PDE7B: variants seen among roughly 807,000 people sequenced by gnomAD.
PDE7B encodes the protein phosphodiesterase 7B.
In PDE7B, 29 loss-of-function variants were observed where a neutral mutation model predicts 56.2. The observed-to-expected ratio is 0.52, with a 90% CI of 0.38 to 0.70. The LOEUF (loss-of-function observed/expected upper bound fraction) is 0.70, where lower values mean the gene tolerates loss of function less well. PDE7B is among the 30% of genes least tolerant of loss of function. The pLI, the probability that PDE7B is intolerant of heterozygous loss-of-function variation, is 0.00. For missense variants in PDE7B, 490 were observed against 565.0 expected (o/e 0.87, Z 1.35); for synonymous variants, 197 against 196.9 (o/e 1.00, Z 0.00).
At chr6:136,183,625 A>G (rs1016752782) in intron 11 of PDE7B, among the ~76,000 whole-genome samples, 2 of 151,542 alleles carry the variant, frequency 1.3e-5, no homozygotes, top group African/African-American at 2.4e-5. Flanking sequence ...AAAAGAAAAA[A>G]AAAAGAGTAG....
At chr6:135,886,128 G>A (rs1340233933) in intron 1 of PDE7B, among the ~76,000 whole-genome samples, 1 of 152,126 alleles carries the variant, frequency 6.6e-6, no homozygotes, top group African/African-American at 2.4e-5. Flanking sequence ...GTAGTCAAAT[G>A]GCAGCTGACT....
In PDE7B at chr6:136,076,421, C is replaced by A. The variant is rs536998284; in HGVS notation, c.83-32310C>A. 1.5e-3 allele frequency among the ~76,000 whole-genome samples: 235 copies of A among 152,100 alleles called. 1 individual carries two copies. Among genetic ancestry groups the A allele is most frequent in the Middle Eastern group, 6.8e-3 (2 of 294 alleles). On this transcript the variant is annotated intron_variant, in intron 2 of 12. Coordinates refer to ENST00000308191, the MANE Select transcript of PDE7B (RefSeq NM_018945.4). ...CCAGGAGGCGGAGGTTGCAGTGAGCCAAGATTGCGCCATTACACTCTAGGC... is the reference window on the plus strand; with the variant it reads ...CCAGGAGGCGGAGGTTGCAGTGAGCAAAGATTGCGCCATTACACTCTAGGC...
rs192876723 is a variant in PDE7B at position 136,003,818 on chromosome 6, T to C, written c.82+56294T>C. On this transcript the variant is annotated intron_variant, in intron 2 of 12. Transcript: ENST00000308191. ...TTCCTTCTGAAACTATTCCAATCAA[T>C]AGAAAAAGAGGGAATCTTCCCTAAC... is the stretch of plus-strand genomic sequence containing the variant. Among the ~76,000 whole-genome samples the C allele has an allele frequency of 1.7e-4, 26 of 152,172 alleles. No homozygotes were observed. In the East Asian group the frequency reaches 5.0e-3, roughly 29 times the overall value.
At chr6:136,041,671 A>C (rs1776417161) in intron 2 of PDE7B, among the ~76,000 whole-genome samples, 1 of 152,256 alleles carries the variant, frequency 6.6e-6, no homozygotes, top group African/African-American at 2.4e-5. Context: ...GGGCTCTGGA[A>C]GTTATCAGCA....
At chr6:135,909,380 C>T (rs1225201178) in intron 1 of PDE7B, among the ~76,000 whole-genome samples, 2 of 152,014 alleles carry the variant, frequency 1.3e-5, no homozygotes, top group African/African-American at 4.8e-5. Flanking sequence ...TATGGGAGGC[C>T]GAGGTGGACG....
At chr6:136,093,462 C>T (rs1333489382) in intron 2 of PDE7B, among the ~76,000 whole-genome samples, 1 of 152,178 alleles carries the variant, frequency 6.6e-6, no homozygotes, top group African/African-American at 2.4e-5. Context: ...CAAAATACAC[C>T]TCTCCCTAAA....
chr6:135,879,571 C>T (rs1234004449), intron 1 of PDE7B, among the ~76,000 whole-genome samples: 2 of 151,946 alleles, frequency 1.3e-5, no homozygotes, highest in Admixed American at 1.3e-4. Flanking sequence ...AATATTTAAC[C>T]AATACTCGTC....
chr6:136,082,328 G>A (rs923120324), intron 2 of PDE7B, among the ~76,000 whole-genome samples: 1 of 152,158 alleles, frequency 6.6e-6, no homozygotes, highest in African/African-American at 2.4e-5. Flanking sequence ...GGCACTTGAG[G>A]AGGTCAAACA....
chr6:136,190,371 A>G (rs1230523827), intron 12 of PDE7B, among the ~76,000 whole-genome samples: 3 of 152,230 alleles, frequency 2.0e-5, no homozygotes, highest in Admixed American at 2.0e-4. Flanking sequence ...GAAATGTACA[A>G]TAACAGTGTG....
intron 1 of PDE7B, among the ~76,000 whole-genome samples, chr6:135,935,198 A>ATATATTTATATATATATATT (rs1562445479): frequency 1.9e-4 from 15 of 80,168 alleles, no homozygotes; most frequent in African/African-American, 1.0e-3. Flanking sequence ...ATTTATATAT[A>ATATATTTATATATATATATT]TATATATATA....
chr6:136,100,103 T>G (rs2128217067), intron 2 of PDE7B, among the ~76,000 whole-genome samples: 1 of 152,058 alleles, frequency 6.6e-6, no homozygotes, highest in Non-Finnish European at 1.5e-5. Context: ...GTGTTATTTC[T>G]GAGGCCTCTG....
At chr6:136,186,574 G>C (rs1779148983) in intron 11 of PDE7B, among the ~76,000 whole-genome samples, 1 of 152,124 alleles carries the variant, frequency 6.6e-6, no homozygotes, top group South Asian at 2.1e-4. Flanking sequence ...GATCTTTCTA[G>C]TCCTTCTACC....
intron 2 of PDE7B, among the ~76,000 whole-genome samples, chr6:136,002,264 C>T (rs985702108): frequency 1.2e-4 from 19 of 152,120 alleles, no homozygotes; most frequent in South Asian, 4.1e-4. Flanking sequence ...TTGTCAAGAC[C>T]GTCAAGGCTA....
intron 2 of PDE7B, among the ~76,000 whole-genome samples, chr6:136,009,395 G>A (rs554683382): frequency 6.6e-6 from 1 of 152,144 alleles, no homozygotes; most frequent in East Asian, 1.9e-4. Flanking sequence ...GCTTGATGGG[G>A]ATGGCATTGA....
At chr6:136,096,202 C>G (rs1180760268) in intron 2 of PDE7B, 2 of 152,234 alleles carry the variant, frequency 1.3e-5, no homozygotes, top group Non-Finnish European at 2.9e-5. Context: ...GTGGAAGTCT[C>G]CTAAGAACAG....
intron 8 of PDE7B, chr6:136,165,751 C>T (rs1343705474): frequency 6.6e-6 from 1 of 152,200 alleles, no homozygotes; most frequent in African/African-American, 2.4e-5. Context: ...AAACAACCTT[C>T]CTGGAAATCC....
intron 2 of PDE7B, among the ~76,000 whole-genome samples, chr6:135,964,849 G>T (rs1166949840): frequency 6.6e-6 from 1 of 152,144 alleles, no homozygotes; most frequent in Non-Finnish European, 1.5e-5. Context: ...ATTAGATATT[G>T]CAGGCTGGGT....
intron 2 of PDE7B, among the ~76,000 whole-genome samples, chr6:136,096,889 C>T (rs1777479096): frequency 2.6e-5 from 4 of 152,156 alleles, no homozygotes; most frequent in African/African-American, 7.2e-5. Flanking sequence ...GTCTCTCTCT[C>T]ACTCACTCAC....
intron 2 of PDE7B, among the ~76,000 whole-genome samples, chr6:136,043,389 A>G (rs1050802715): frequency 3.9e-5 from 6 of 152,060 alleles, no homozygotes; most frequent in African/African-American, 7.2e-5. Context: ...AGAGAGGCTA[A>G]GGGTGCCAGA....
Sources: allele counts gnomAD v4.1 joint callset (sites outside exome capture counted in the v4.1 genomes callset), GRCh38; gene constraint gnomAD v4.1.1; transcripts MANE v1.5; gene names NCBI Gene and HGNC (gene_info 2026-07-23, HGNC 2026-07-21).